The following CSMD1 variants were observed in gnomAD, a reference collection of about 807,000 sequenced individuals.
CSMD1 encodes the protein CUB and Sushi multiple domains 1.
A neutral mutation model predicts 417.5 loss-of-function variants in CSMD1; 213 were observed. That is an observed-to-expected ratio of 0.51 (90% CI 0.46 to 0.57). CSMD1 has a LOEUF of 0.57. Among genes scored for constraint, CSMD1 ranks in the 20% least tolerant of loss-of-function variants. The pLI is 0.00. For synonymous variants in CSMD1, 2,862 were observed against 1,736.8 expected (o/e 1.65, Z -16.11); for missense variants, 6,923 against 4,529.7 (o/e 1.53, Z -15.17).
intron 6 of CSMD1, among the ~76,000 whole-genome samples, chr8:3,742,222 T>C (rs1480279567): frequency 4.6e-5 from 7 of 152,196 alleles, no homozygotes; most frequent in Non-Finnish European, 1.0e-4. Context: ...CTGGATGTTC[T>C]GTAGATAGAT....
intron 5 of CSMD1, among the ~76,000 whole-genome samples, chr8:3,825,093 A>T (rs1323729861): frequency 6.6e-6 from 1 of 152,128 alleles, no homozygotes; most frequent in Non-Finnish European, 1.5e-5. Context: ...TTATTTCTTC[A>T]GGCCAGGCAT....
intron 10 of CSMD1, among the ~76,000 whole-genome samples, chr8:3,509,165 G>C (rs1217025438): frequency 6.6e-6 from 1 of 152,132 alleles, no homozygotes; most frequent in Non-Finnish European, 1.5e-5. Context: ...CAACTCAAAA[G>C]TTTCTATGTC....
intron 5 of CSMD1, among the ~76,000 whole-genome samples, chr8:3,964,516 C>G (rs549231097): frequency 5.3e-5 from 8 of 152,284 alleles, no homozygotes; most frequent in African/African-American, 1.9e-4. Flanking sequence ...ATACTCCAAG[C>G]TCTCATAGGA....
intron 1 of CSMD1, among the ~76,000 whole-genome samples, chr8:4,701,841 C>A (rs575146265): frequency 6.6e-6 from 1 of 152,246 alleles, no homozygotes; most frequent in African/African-American, 2.4e-5. Flanking sequence ...GAATCCCATG[C>A]AACTCCATTA....
chr8:3,658,288 T>C (rs1798231005), intron 7 of CSMD1, among the ~76,000 whole-genome samples: 1 of 152,050 alleles, frequency 6.6e-6, no homozygotes, highest in Admixed American at 6.6e-5. Context: ...AATGATTGTA[T>C]TTGTGTATAA....
chr8:3,413,007 C>T (rs1812913274), intron 12 of CSMD1, among the ~76,000 whole-genome samples: 2 of 152,162 alleles, frequency 1.3e-5, no homozygotes, highest in African/African-American at 4.8e-5. Context: ...GGTTTTGAAT[C>T]CCCCAGTGTT....
intron 2 of CSMD1, among the ~76,000 whole-genome samples, chr8:4,582,473 C>G (rs1260923546): frequency 1.3e-5 from 2 of 152,208 alleles, no homozygotes; most frequent in East Asian, 1.9e-4. Context: ...TACAGATCCA[C>G]TCTTTCCTCC....
At chr8:4,525,327 G>T (rs1028607586) in intron 2 of CSMD1, among the ~76,000 whole-genome samples, 1 of 152,014 alleles carries the variant, frequency 6.6e-6, no homozygotes, top group Non-Finnish European at 1.5e-5. Context: ...CCCGGCATGG[G>T]GATTTCTCAG....
At chr8:4,312,262 G>C (rs1157489406) in intron 3 of CSMD1, among the ~76,000 whole-genome samples, 1 of 151,280 alleles carries the variant, frequency 6.6e-6, no homozygotes, top group Non-Finnish European at 1.5e-5. Flanking sequence ...CTAATTTATT[G>C]GCAAACTTTA....
chr8:4,357,867 T>C (rs1801518140), intron 3 of CSMD1, among the ~76,000 whole-genome samples: 1 of 152,124 alleles, frequency 6.6e-6, no homozygotes, highest in Non-Finnish European at 1.5e-5. Flanking sequence ...TTTATCATAT[T>C]TTAATGCTAA....
intron 3 of CSMD1, among the ~76,000 whole-genome samples, chr8:4,230,091 A>C (rs763173719): frequency 1.3e-5 from 2 of 152,222 alleles, no homozygotes; most frequent in Admixed American, 6.5e-5. Flanking sequence ...TTATTAGACT[A>C]CAAGCCTTAT....
chr8:4,494,167 A>G (rs1243997945), intron 2 of CSMD1, among the ~76,000 whole-genome samples: 1 of 152,194 alleles, frequency 6.6e-6, no homozygotes, highest in South Asian at 2.1e-4. Context: ...TCAAAAACCA[A>G]TATTCCTGTC....
rs761332558 is a variant in CSMD1 at position 2,966,713 on chromosome 8, T to C, written c.8957A>G (p.Asn2986Ser). The change falls in exon 58 of 70, where the codon AAC (asparagine) becomes AGC (serine). Residue 2986 changes from asparagine (N) to serine (S), a missense_variant. Asn to Ser is a conservative substitution (Grantham distance 46). Transcript: ENST00000635120. Reference sequence around the variant, plus strand: ...GCCATCACTACTGACAATCATTCCGTTGGTGGGTGTGCCAGGGTTGCCACA... The same window carrying C: ...GCCATCACTACTGACAATCATTCCGCTGGTGGGTGTGCCAGGGTTGCCACA... ...VSCGNPGTPT[N>S]GMIVSSDGIL... 3.1e-6 allele frequency: 5 copies of C among 1,613,768 alleles called. No homozygotes were observed. Among genetic ancestry groups the C allele is most frequent in the Non-Finnish European group, 4.2e-6 (5 of 1,179,812 alleles).
chr8:4,883,660 T>C (rs193135839), intron 1 of CSMD1, among the ~76,000 whole-genome samples: 3 of 152,166 alleles, frequency 2.0e-5, no homozygotes, highest in South Asian at 2.1e-4. Context: ...TAGTACTTTA[T>C]GCTTTTTATT....
At chr8:4,216,537 A>G (rs925963530) in intron 3 of CSMD1, among the ~76,000 whole-genome samples, 1 of 152,190 alleles carries the variant, frequency 6.6e-6, no homozygotes, top group East Asian at 1.9e-4. Context: ...AGAATTCTCA[A>G]GATCAAAGAA....
At chr8:3,467,161 T>A (rs1056860576) in intron 12 of CSMD1, among the ~76,000 whole-genome samples, 1 of 152,176 alleles carries the variant, frequency 6.6e-6, no homozygotes, top group South Asian at 2.1e-4. Context: ...ATATGACACA[T>A]AGAAGAATGT....
At chr8:4,215,242 G>A (rs1205468531) in intron 3 of CSMD1, among the ~76,000 whole-genome samples, 4 of 152,190 alleles carry the variant, frequency 2.6e-5, no homozygotes, top group East Asian at 3.8e-4. Context: ...GATCAGAGAT[G>A]TGCTTTTCTC....
At chr8:4,281,748 T>C (rs1244471578) in intron 3 of CSMD1, among the ~76,000 whole-genome samples, 2 of 152,362 alleles carry the variant, frequency 1.3e-5, no homozygotes, top group South Asian at 2.1e-4. Flanking sequence ...ATGTCTCTAC[T>C]TGTTTTCAAA....
chr8:4,326,285 C>G (rs1032036831), intron 3 of CSMD1, among the ~76,000 whole-genome samples: 2 of 152,134 alleles, frequency 1.3e-5, no homozygotes, highest in African/African-American at 2.4e-5. Context: ...GTGGGAGACT[C>G]AGACATAGCA....
Sources: allele counts gnomAD v4.1 joint callset (sites outside exome capture counted in the v4.1 genomes callset), GRCh38; gene constraint gnomAD v4.1.1; transcripts MANE v1.5; gene names NCBI Gene and HGNC (gene_info 2026-07-23, HGNC 2026-07-21).